The following SDK1 variants were observed in gnomAD, a reference collection of about 807,000 sequenced individuals.
The protein encoded by SDK1 is sidekick cell adhesion molecule 1.
In SDK1, 157 loss-of-function variants were observed where a neutral mutation model predicts 245.5. That is an observed-to-expected ratio of 0.64 (90% CI 0.56 to 0.73). SDK1 has a LOEUF of 0.73. Among genes scored for constraint, SDK1 ranks in the 30% least tolerant of loss-of-function variants. The pLI, the probability that SDK1 is intolerant of heterozygous loss-of-function variation, is 0.00. For synonymous variants in SDK1, 1,647 were observed against 1,278.5 expected (o/e 1.29, Z -6.15); for missense variants, 3,583 against 3,002.3 (o/e 1.19, Z -4.52).
chr7:3,729,196 C>A (rs1358736868), intron 4 of SDK1, among the ~76,000 whole-genome samples: 1 of 152,120 alleles, frequency 6.6e-6, no homozygotes, highest in Non-Finnish European at 1.5e-5. Flanking sequence ...ATTAAGTGTT[C>A]TTTATCTTAG....
At chr7:3,947,362 G>A (rs1319908976) in intron 5 of SDK1, among the ~76,000 whole-genome samples, 1 of 152,108 alleles carries the variant, frequency 6.6e-6, no homozygotes, top group African/African-American at 2.4e-5. Context: ...TGGCATTTTA[G>A]ACTATGGATT....
intron 4 of SDK1, among the ~76,000 whole-genome samples, chr7:3,815,807 ACAC>A (rs1401524122): frequency 6.6e-6 from 1 of 150,494 alleles, no homozygotes; most frequent in Non-Finnish European, 1.5e-5. Flanking sequence ...TTTCAGCACC[ACAC>A]CACACCTATT....
At chr7:3,532,531 A>C (rs1189979229) in intron 1 of SDK1, among the ~76,000 whole-genome samples, 1 of 152,168 alleles carries the variant, frequency 6.6e-6, no homozygotes, top group African/African-American at 2.4e-5. Flanking sequence ...TCAAGCTCAC[A>C]CACACTAAGT....
At chr7:4,103,450 G>T (rs915461291) in intron 22 of SDK1, among the ~76,000 whole-genome samples, 7 of 152,178 alleles carry the variant, frequency 4.6e-5, no homozygotes, top group African/African-American at 1.7e-4. Flanking sequence ...CAGGGTTAAA[G>T]AACTCCTGTC....
chr7:4,173,479 C>T (rs1781980394), intron 32 of SDK1, among the ~76,000 whole-genome samples: 1 of 152,168 alleles, frequency 6.6e-6, no homozygotes, highest in African/African-American at 2.4e-5. Context: ...GTCTCATAAC[C>T]CTGTGTTTAG....
At chr7:3,587,427 G>GGT (rs1304680992) in intron 1 of SDK1, among the ~76,000 whole-genome samples, 6 of 152,014 alleles carry the variant, frequency 3.9e-5, no homozygotes, top group Non-Finnish European at 7.4e-5. Flanking sequence ...GCAAGCTGGT[G>GGT]GTGTAGTTCA....
intron 1 of SDK1, among the ~76,000 whole-genome samples, chr7:3,340,660 G>A (rs1027154695): frequency 6.6e-6 from 1 of 151,832 alleles, no homozygotes; most frequent in African/African-American, 2.4e-5. Flanking sequence ...CTACTCAGGA[G>A]GCTGAGGCAG....
At chr7:3,999,124 A>G (rs1343642847) in intron 14 of SDK1, among the ~76,000 whole-genome samples, 1 of 152,112 alleles carries the variant, frequency 6.6e-6, no homozygotes, top group Non-Finnish European at 1.5e-5. Context: ...ATCTCTCCCC[A>G]AACACACACA....
At chr7:4,061,955 G>A (rs1204946456) in intron 19 of SDK1, among the ~76,000 whole-genome samples, 2 of 137,250 alleles carry the variant, frequency 1.5e-5, no homozygotes, top group Non-Finnish European at 3.1e-5. Context: ...ACACAGGAAG[G>A]GGAACATCAC....
At chr7:4,073,040 A>G (rs1411916520) in intron 20 of SDK1, among the ~76,000 whole-genome samples, 1 of 152,232 alleles carries the variant, frequency 6.6e-6, no homozygotes, top group African/African-American at 2.4e-5. Flanking sequence ...CTTCTAGAGA[A>G]TTTACTTTAG....
chr7:3,842,641 A>G (rs1292197848), intron 5 of SDK1, among the ~76,000 whole-genome samples: 1 of 152,114 alleles, frequency 6.6e-6, no homozygotes, highest in African/African-American at 2.4e-5. Flanking sequence ...AGTTGTGACG[A>G]ACAATCGTGA....
At chr7:3,611,410 C>A (rs1245366256) in intron 1 of SDK1, among the ~76,000 whole-genome samples, 1 of 152,180 alleles carries the variant, frequency 6.6e-6, no homozygotes, top group Non-Finnish European at 1.5e-5. Context: ...CATTTAATAA[C>A]CAAACGACTT....
chr7:4,170,035 C>T (rs143280207), intron 32 of SDK1, among the ~76,000 whole-genome samples: 26 of 152,304 alleles, frequency 1.7e-4, no homozygotes, highest in Non-Finnish European at 3.5e-4. Flanking sequence ...TCTTCAGTCT[C>T]ACATACCGAC....
chr7:3,492,241 G>C (rs1034009472), intron 1 of SDK1, among the ~76,000 whole-genome samples: 2 of 152,210 alleles, frequency 1.3e-5, no homozygotes, highest in Admixed American at 6.5e-5. Context: ...TGCTAGGGGA[G>C]ATTTGTGAAT....
At chr7:4,011,733 T>C (rs1304860978) in intron 15 of SDK1, among the ~76,000 whole-genome samples, 1 of 152,146 alleles carries the variant, frequency 6.6e-6, no homozygotes, top group Non-Finnish European at 1.5e-5. Flanking sequence ...GGGAGTTTGA[T>C]ATGAGAAATA....
At chr7:3,726,036 G>A (rs1778997517) in intron 4 of SDK1, among the ~76,000 whole-genome samples, 1 of 152,226 alleles carries the variant, frequency 6.6e-6, no homozygotes, top group Admixed American at 6.5e-5. Flanking sequence ...GATTTGCTAA[G>A]TGTGCTTGAA....
chr7:3,873,954 T>C (rs1781015653), intron 5 of SDK1, among the ~76,000 whole-genome samples: 1 of 152,216 alleles, frequency 6.6e-6, no homozygotes, highest in South Asian at 2.1e-4. Flanking sequence ...CTTCTGATCA[T>C]TGTTTTGTCT....
chr7:4,154,006 T>G (rs1277325555), intron 30 of SDK1, among the ~76,000 whole-genome samples: 1 of 152,144 alleles, frequency 6.6e-6, no homozygotes, highest in Non-Finnish European at 1.5e-5. Context: ...AGAAACATTT[T>G]TAGTGCCTTC....
intron 17 of SDK1, among the ~76,000 whole-genome samples, chr7:4,030,661 C>T (rs981626311): frequency 6.6e-6 from 1 of 152,200 alleles, no homozygotes; most frequent in South Asian, 2.1e-4. Flanking sequence ...CACCAACATT[C>T]AGGTGATTTT....
Sources: gnomAD v4.1 joint callset for allele counts (sites outside exome capture counted in the v4.1 genomes callset) on GRCh38, gnomAD v4.1.1 for gene constraint, MANE v1.5 for transcripts, NCBI Gene and HGNC (gene_info 2026-07-23, HGNC 2026-07-21) for gene names.